The following PCDH11Y variants were observed in gnomAD, a reference collection of about 807,000 sequenced individuals.
The protein encoded by PCDH11Y is protocadherin-11 Y-linked.
For synonymous variants in PCDH11Y, 9 were observed against 83.6 expected, an observed-to-expected ratio of 0.11 and a Z score of 4.87; for missense variants, 12 against 224.8, an observed-to-expected ratio of 0.05 and a Z score of 6.05.
At chrY:5,684,288 A>AT (rs371322348) in intron 4 of PCDH11Y, among the ~76,000 whole-genome samples, 1 of 32,104 alleles carries the variant, frequency 3.1e-5, no homozygotes, top group Non-Finnish European at 7.7e-5. Context: ...AGTTAAAGTA[A>AT]TTTTTTTTAA....
chrY:5,253,345 C>T (rs2124657108), intron 2 of PCDH11Y, among the ~76,000 whole-genome samples: 3 of 29,708 alleles, frequency 1.0e-4, no homozygotes, highest in Admixed American at 3.3e-4. Context: ...ATGAATTACT[C>T]TCTACTTGTT....
chrY:5,108,564 A>G (rs1602868911), downstream of PCDH11Y, among the ~76,000 whole-genome samples: 32 of 30,091 alleles, frequency 1.1e-3, no homozygotes, highest in South Asian at 3.0e-3. Context: ...TGGCTAACAC[A>G]GTGAAACCTC....
chrY:5,548,270 C>T, intron 3 of PCDH11Y, among the ~76,000 whole-genome samples: 1 of 31,856 alleles, frequency 3.1e-5, no homozygotes, highest in East Asian at 8.3e-4. Flanking sequence ...AGTTGAAAGC[C>T]GAAATAGTGG....
intron 2 of PCDH11Y, among the ~76,000 whole-genome samples, chrY:5,440,522 G>A (rs2053279753): frequency 3.3e-5 from 1 of 30,495 alleles, no homozygotes; most frequent in Non-Finnish European, 7.9e-5. Flanking sequence ...GTTAGTTTGG[G>A]CAGTCACGAA....
chrY:5,211,216 C>A, intron 2 of PCDH11Y, among the ~76,000 whole-genome samples: 1 of 29,289 alleles, frequency 3.4e-5, no homozygotes, highest in African/African-American at 1.4e-4. Context: ...CTCAAAGCGA[C>A]TCTGCATTTC....
chrY:5,374,619 T>G, intron 2 of PCDH11Y, among the ~76,000 whole-genome samples: 1 of 31,456 alleles, frequency 3.2e-5, no homozygotes, highest in African/African-American at 1.2e-4. Flanking sequence ...ATGTACAATT[T>G]GCTCAGTTTT....
chrY:5,079,106 T>A, intron 1 of PCDH11Y, among the ~76,000 whole-genome samples: 2 of 33,501 alleles, frequency 6.0e-5, no homozygotes, highest in Non-Finnish European at 1.5e-4. Flanking sequence ...TCAAAAATGA[T>A]CTCCTTTGAC....
At chrY:5,391,180 G>A in intron 2 of PCDH11Y, among the ~76,000 whole-genome samples, 3 of 30,704 alleles carry the variant, frequency 9.8e-5, no homozygotes, top group Non-Finnish European at 2.3e-4. Flanking sequence ...ATATTTTTGA[G>A]TAAATATAGT....
chrY:5,500,268 C>T, intron 2 of PCDH11Y, among the ~76,000 whole-genome samples: 2 of 32,674 alleles, frequency 6.1e-5, no homozygotes, highest in Non-Finnish European at 1.5e-4. Context: ...CATTGGGGAG[C>T]CTATTTTTGG....
chrY:5,647,948 C>T, intron 4 of PCDH11Y, among the ~76,000 whole-genome samples: 1 of 32,872 alleles, frequency 3.0e-5, no homozygotes, highest in Non-Finnish European at 7.4e-5. Flanking sequence ...GAAAAGAAGA[C>T]GTAATGTTTT....
intron 3 of PCDH11Y, among the ~76,000 whole-genome samples, chrY:5,548,031 A>G (rs2053415007): frequency 6.2e-5 from 2 of 32,476 alleles, no homozygotes; most frequent in African/African-American, 2.4e-4. Context: ...ACACCCACAC[A>G]CACAAATGAG....
At chrY:5,653,543 G>A in intron 4 of PCDH11Y, among the ~76,000 whole-genome samples, 3 of 32,554 alleles carry the variant, frequency 9.2e-5, no homozygotes, top group Non-Finnish European at 2.2e-4. Context: ...GAAATGAAGC[G>A]AGAAGAGAAG....
At chrY:5,521,501 A>G (rs1602937563) in intron 3 of PCDH11Y, among the ~76,000 whole-genome samples, 2 of 32,951 alleles carry the variant, frequency 6.1e-5, no homozygotes, top group African/African-American at 2.4e-4. Context: ...AAATGAATAG[A>G]TGAAAAAAAT....
chrY:5,530,975 AT>A (rs1266020762), intron 3 of PCDH11Y, among the ~76,000 whole-genome samples: 5 of 17,027 alleles, frequency 2.9e-4, no homozygotes, highest in East Asian at 3.0e-3. Flanking sequence ...CTTTTCTTCC[AT>A]TTTTTTTTTT....
intron 2 of PCDH11Y, among the ~76,000 whole-genome samples, chrY:5,481,562 C>CA (rs2053325709): frequency 3.0e-5 from 1 of 32,925 alleles, no homozygotes; most frequent in South Asian, 6.9e-4. Flanking sequence ...CAATCATTTA[C>CA]AAAAAATTGT....
chrY:5,435,444 A>G (rs1452512133), intron 2 of PCDH11Y, among the ~76,000 whole-genome samples: 15 of 29,831 alleles, frequency 5.0e-4, no homozygotes, highest in Non-Finnish European at 9.6e-4. Flanking sequence ...CTCCCGAGTA[A>G]CTGGAACTAC....
At chrY:5,532,981 G>A (rs2053396673) in intron 3 of PCDH11Y, among the ~76,000 whole-genome samples, 2 of 29,974 alleles carry the variant, frequency 6.7e-5, no homozygotes, top group African/African-American at 1.3e-4. Context: ...ACAGGCGCGC[G>A]CCACCATACC....
At chrY:5,601,403 A>G in intron 4 of PCDH11Y, among the ~76,000 whole-genome samples, 1 of 32,889 alleles carries the variant, frequency 3.0e-5, no homozygotes, top group African/African-American at 1.2e-4. Flanking sequence ...ACTAGAATGT[A>G]AGCTCTATGA....
intron 2 of PCDH11Y, among the ~76,000 whole-genome samples, chrY:5,439,616 G>A (rs2124681543): frequency 8.9e-5 from 3 of 33,567 alleles, no homozygotes; most frequent in East Asian, 7.9e-4. Context: ...GAAATGCAGC[G>A]TTCCAATTTA....
Sources: gnomAD v4.1 joint callset for allele counts (sites outside exome capture counted in the v4.1 genomes callset) on GRCh38, gnomAD v4.1.1 for gene constraint, MANE v1.5 for transcripts, NCBI Gene and HGNC (gene_info 2026-07-23, HGNC 2026-07-21) for gene names.